The following CYP4F11 variants were observed in gnomAD, a reference collection of about 807,000 sequenced individuals.
The protein encoded by CYP4F11 is cytochrome P450 family 4 subfamily F member 11.
A neutral mutation model predicts 62.2 loss-of-function variants in CYP4F11; 79 were observed. The observed-to-expected ratio is 1.27, with a 90% CI of 1.06 to 1.53. CYP4F11 has a LOEUF of 1.53. Ranked by LOEUF, CYP4F11 falls within the 40% of genes most tolerant of loss-of-function variation. The pLI is 0.00. For missense variants in CYP4F11, 777 were observed against 680.5 expected, an observed-to-expected ratio of 1.14 and a Z score of -1.58; for synonymous variants, 290 against 263.7, an observed-to-expected ratio of 1.10 and a Z score of -0.97.
chr19:15,934,311 C>T lies in CYP4F11; in HGVS notation c.98G>A (p.Arg33His), dbSNP rs567208540. 2.0e-5 allele frequency: 33 copies of T among 1,613,466 alleles called. No homozygotes were observed. The highest frequency in any genetic ancestry group is 3.3e-5 in the Admixed American group (2 of 59,982). The change falls in exon 1 of 12, where the codon CGC becomes CAC. Residue 33 changes from arginine to histidine, a missense_variant. Coordinates refer to ENST00000402119, the MANE Select transcript of CYP4F11 (RefSeq NM_021187.4). Reference sequence around the variant, plus strand: ...GAAGGTGTAGGTCCAGGCCAGGACGCGGGCCAGGAGCCAGGAGCCTCCAAC... The same window carrying T: ...GAAGGTGTAGGTCCAGGCCAGGACGTGGGCCAGGAGCCAGGAGCCTCCAAC... ...LLVGGSWLLA[R>H]VLAWTYTFYD...
chr19:15,913,853 GT>G lies in CYP4F11; in HGVS notation c.1453del (p.Thr485ProfsTer20). On this transcript the variant is annotated frameshift_variant, in exon 12 of 12. Coordinates refer to ENST00000402119, the MANE Select transcript of CYP4F11 (RefSeq NM_021187.4). LOFTEE classifies it high-confidence loss of function. The part of the protein sequence containing the change: ...MAEMKVVLAL[T>X]LLHFRILPTH... ...CGGCAGGATGCGGAAGTGCAGCAGGGTGAGCGCCAGGACCACCTTCATCTCA... is the reference window on the plus strand; with the variant it reads ...CGGCAGGATGCGGAAGTGCAGCAGGGGAGCGCCAGGACCACCTTCATCTCA... 2 of 1,614,150 alleles carry G rather than the reference GT, an allele frequency of 1.2e-6. No homozygotes were observed. The highest frequency in any genetic ancestry group is 1.7e-6 in the Non-Finnish European group (2 of 1,180,006).
chr19:15,927,769 A>G (rs2089681853), intron 2 of CYP4F11: 7 of 452,626 alleles, frequency 1.5e-5, no homozygotes, highest in East Asian at 3.5e-5. Flanking sequence ...TCAACACTCT[A>G]CAGAATGCCT....
rs1007429496 is a variant in CYP4F11, at chr19:15,914,449, T to A, written c.1315-62A>T. 1.1e-5 allele frequency: 17 copies of A among 1,573,146 alleles called. No individual in the cohort carries two copies. In the African/African-American group the frequency reaches 2.3e-4, roughly 21 times the overall value. Reference sequence around the variant, plus strand: ...CACCCAGTTGGGTGGGGTCTCCCAGTTGTCTCCAAGACCCCCGGCCTTGGA... The same window carrying A: ...CACCCAGTTGGGTGGGGTCTCCCAGATGTCTCCAAGACCCCCGGCCTTGGA... On this transcript the variant is annotated intron_variant, in intron 10 of 11. Coordinates refer to ENST00000402119, the MANE Select transcript of CYP4F11 (RefSeq NM_021187.4).
intron 1 of CYP4F11, among the ~76,000 whole-genome samples, chr19:15,931,665 G>GC (rs2089725579): frequency 6.2e-5 from 3 of 48,502 alleles, no homozygotes; most frequent in Non-Finnish European, 1.2e-4. Context: ...AGTGAGCGAG[G>GC]AGAGGAATGA....
At chr19:15,929,344 G>T in intron 2 of CYP4F11, 113 bp downstream of exon 2, 1 of 1,369,360 alleles carries the variant, frequency 7.3e-7, no homozygotes, top group Non-Finnish European at 1.0e-6. Flanking sequence ...TGAGAGAGAA[G>T]CAGGAAGAGG....
intron 5 of CYP4F11, 140 bp from the exon 6 acceptor site, chr19:15,924,222 G>T (rs1263482883): frequency 1.6e-5 from 18 of 1,100,412 alleles, no homozygotes; most frequent in Non-Finnish European, 2.3e-5. Flanking sequence ...TCTTCTCTGA[G>T]GCATTCCATC....
chr19:15,934,358 G>A lies in CYP4F11; in HGVS notation c.51C>T (p.Ser17=), dbSNP rs764654826. 1 of 1,613,392 alleles carries A rather than the reference G, an allele frequency of 6.2e-7. No individual in the cohort carries two copies. ...SWLGLGPVAA[S]PWLLLLLVGG... is the part of the protein sequence containing the mutation. ...CAACCAGCAGCAGAAGCAGCCACGG[G>A]GATGCTGCCACGGGCCCGAGGCCCA... The change falls in exon 1 of 12, where the codon TCC becomes TCT. Residue 17 remains serine, a synonymous_variant. Coordinates refer to ENST00000402119, the MANE Select transcript of CYP4F11 (RefSeq NM_021187.4).
Position 15,931,043 on chromosome 19 carries a change from C to T in CYP4F11, c.199-1442G>A, listed in dbSNP as rs111558185. Among the ~76,000 whole-genome samples, 229 of 152,290 alleles carry T rather than the reference C, an allele frequency of 1.5e-3. 1 individual carries two copies. The highest frequency in any genetic ancestry group is 3.4e-3 in the Middle Eastern group (1 of 294). ...CCCAAATGGGAGAGCAGGTCTAAGT[C>T]GGAGGCCAAGGTCTGCGGAGTCAAG... On this transcript the variant is annotated intron_variant, in intron 1 of 11. Coordinates refer to ENST00000402119, the MANE Select transcript of CYP4F11 (RefSeq NM_021187.4).
intron 5 of CYP4F11, 36 bp from the exon 6 acceptor site, chr19:15,924,118 G>A: frequency 6.3e-7 from 1 of 1,597,380 alleles, no homozygotes; most frequent in Non-Finnish European, 8.5e-7. Context: ...CATATGCAAA[G>A]TCCCAGGAGC....
At chr19:15,928,843 A>C (rs1360552933) in intron 2 of CYP4F11, among the ~76,000 whole-genome samples, 1 of 152,126 alleles carries the variant, frequency 6.6e-6, no homozygotes, top group Non-Finnish European at 1.5e-5. Context: ...GAGTGACAGG[A>C]TGAGGTAAAA....
At chr19:15,933,843 A>G (rs138438355) in intron 1 of CYP4F11, among the ~76,000 whole-genome samples, 1 of 39,590 alleles carries the variant, frequency 2.5e-5, no homozygotes, top group Non-Finnish European at 5.6e-5. Flanking sequence ...TGAGTGAGTG[A>G]GGAGAGGAAT....
At chr19:15,923,763 G>T in intron 6 of CYP4F11, 49 bp downstream of exon 6, 1 of 1,576,154 alleles carries the variant, frequency 6.3e-7, no homozygotes, top group Non-Finnish European at 8.6e-7. Context: ...TTTGACAGAG[G>T]CATAAATCTC....
In CYP4F11 at chr19:15,913,501, A is replaced by T; in HGVS notation, c.*231T>A. 1.8e-6 allele frequency: 1 copy of T among 563,720 alleles called. No individual in the cohort carries two copies. Among genetic ancestry groups the T allele is most frequent in the Non-Finnish European group, 3.2e-6 (1 of 317,296 alleles). The allele number at this position is 563,720 out of a possible 1,614,324, so 34.9% of individuals were successfully genotyped here. A position where few individuals can be genotyped will look rare whatever the true frequency, so the allele number is the denominator to read the frequency against. Reference sequence around the variant, plus strand: ...CTACTGCCCACAGGATAAAGTTTTTACTTGGGCTCTGGGAGAACCCACTAA... The same window carrying T: ...CTACTGCCCACAGGATAAAGTTTTTTCTTGGGCTCTGGGAGAACCCACTAA... On this transcript the variant is annotated 3_prime_UTR_variant, in exon 12 of 12. Transcript: ENST00000402119.
intron 8 of CYP4F11, among the ~76,000 whole-genome samples, chr19:15,915,679 C>T (rs2089578280): frequency 1.3e-5 from 2 of 151,738 alleles, no homozygotes; most frequent in East Asian, 2.0e-4. Context: ...AACAGTATGT[C>T]AGTCTTTTCT....
rs2089563330 is a variant in CYP4F11, at chr19:15,914,306, T to C, written c.1396A>G (p.Arg466Gly). ...LAFIPFSAGP[R>G]NCIGQAFAMA... The stretch of plus-strand genomic sequence containing the variant: ...GCCTCAGACACAGGCCATCCTTACC[T>C]GGGCCCTGCCGAGAAGGGAATAAAA... The change falls in exon 11 of 12, where the codon AGA becomes GGA. Residue 466 changes from arginine to glycine, a missense_variant and splice_region_variant. Coordinates refer to ENST00000402119, the MANE Select transcript of CYP4F11 (RefSeq NM_021187.4). The C allele has an allele frequency of 1.2e-6, 2 of 1,613,922 alleles. No individual in the cohort carries two copies.
At chr19:15,927,735 T>C (rs1403690327) in intron 2 of CYP4F11, 3 of 545,116 alleles carry the variant, frequency 5.5e-6, no homozygotes, top group Non-Finnish European at 9.8e-6. Context: ...AGGTCCAACA[T>C]GTTCTGCAAC....
intron 2 of CYP4F11, among the ~76,000 whole-genome samples, chr19:15,928,961 A>G (rs1351876826): frequency 6.6e-6 from 1 of 152,198 alleles, no homozygotes; most frequent in African/African-American, 2.4e-5. Flanking sequence ...GGCTGATGCC[A>G]GGCCTGGCAG....
intron 1 of CYP4F11, among the ~76,000 whole-genome samples, chr19:15,933,252 A>G (rs201522304): frequency 3.5e-5 from 1 of 28,634 alleles, no homozygotes; most frequent in Non-Finnish European, 6.3e-5. Flanking sequence ...GGGGAGAGGA[A>G]TGAGTGAGCG....
In CYP4F11 at chr19:15,914,300, C is replaced by T. The variant is rs2089563266; in HGVS notation, c.1397+5G>A. ...ATCTCTGCCTCAGACACAGGCCATC[C>T]TTACCTGGGCCCTGCCGAGAAGGGA... On this transcript the variant is annotated splice_donor_5th_base_variant and intron_variant, in intron 11 of 11. Transcript: ENST00000402119. The T allele has an allele frequency of 1.2e-6, 2 of 1,613,690 alleles. No homozygotes were observed. Among genetic ancestry groups the T allele is most frequent in the African/African-American group, 1.3e-5 (1 of 74,900 alleles).
Sources: allele counts gnomAD v4.1 joint callset (sites outside exome capture counted in the v4.1 genomes callset), GRCh38; gene constraint gnomAD v4.1.1; transcripts MANE v1.5; gene names NCBI Gene and HGNC (gene_info 2026-07-23, HGNC 2026-07-21).